The following MTX3 variants were observed in gnomAD, a reference collection of about 807,000 sequenced individuals.
MTX3 encodes metaxin 3.
A neutral mutation model predicts 42.5 loss-of-function variants in MTX3; 27 were observed. The observed-to-expected ratio is 0.64, with a 90% CI of 0.47 to 0.88. MTX3 has a LOEUF of 0.88. MTX3 is among the 40% of genes least tolerant of loss of function. MTX3 has a pLI of 0.00. For missense variants in MTX3, 378 were observed against 367.0 expected (o/e 1.03, Z -0.25); for synonymous variants, 144 against 132.9 (o/e 1.08, Z -0.57).
intron 8 of MTX3, among the ~76,000 whole-genome samples, chr5:79,985,254 T>A (rs1415206779): frequency 6.6e-6 from 1 of 152,110 alleles, no homozygotes; most frequent in Non-Finnish European, 1.5e-5. Flanking sequence ...GAGCTGGGAT[T>A]ACAGGAGTGA....
rs975531986 is a variant in MTX3 at position 79,978,096 on chromosome 5, C to G, written c.*5588G>C. ...ACAAATGCCTAAATAACCAACATAT[C>G]TATGCCGACAGCCATCCCTCTCTCA... On this transcript the variant is annotated 3_prime_UTR_variant, in exon 9 of 9. Transcript: ENST00000512528. 1 of 152,218 alleles carries G rather than the reference C, an allele frequency of 6.6e-6. No individual in the cohort carries two copies. Among genetic ancestry groups the G allele is most frequent in the Non-Finnish European group, 1.5e-5 (1 of 68,068 alleles). The allele number at this position is 152,218 out of a possible 1,614,324, so 9.4% of individuals were successfully genotyped here. A position where few individuals can be genotyped will look rare whatever the true frequency, so the allele number is the denominator to read the frequency against.
rs1480726369 is a variant in MTX3, at chr5:79,978,614, A to G, written c.*5070T>C. The G allele has an allele frequency of 6.6e-6, 1 of 152,160 alleles. No homozygotes were observed. 9.4% of individuals were successfully genotyped at this position (152,160 alleles called of 1,614,324 possible). ...TCAAGAAAACAAAAACAAGAAATCC[A>G]TATTAAAATAAATTAGGGAAATGAT... On this transcript the variant is annotated 3_prime_UTR_variant, in exon 9 of 9. Transcript: ENST00000512528.
rs767110313 is a variant in MTX3, at chr5:79,983,691, G to A, written c.932C>T (p.Ser311Leu). 2.5e-6 allele frequency: 4 copies of A among 1,612,242 alleles called. No individual in the cohort carries two copies. The highest frequency in any genetic ancestry group is 2.5e-6 in the Non-Finnish European group (3 of 1,178,260). ...EEENNSFQRL[S>L]P ...CACAAACCATGACTACTCTCAGGGC[G>A]AAAGCCGTTGGAAGGAATTATTTTC... The change falls in exon 9 of 9, where the codon TCG (serine) becomes TTG (leucine). Residue 311 changes from serine to leucine, a missense_variant. Coordinates refer to ENST00000512528, the MANE Select transcript of MTX3 (RefSeq NM_001363818.2).
chr5:79,990,637 G>C lies in MTX3; in HGVS notation c.108C>G (p.Pro36=), dbSNP rs750206758. Residue 36 remains proline (P), a synonymous_variant, in exon 2 of 9, where the codon CCC becomes CCG. Coordinates refer to ENST00000512528, the MANE Select transcript of MTX3 (RefSeq NM_001363818.2). ...VMAYAKFSGA[P]LKVNVIDNTW... ...TGTTATCTATCACATTGACTTTCAA[G>C]GGTGCACCAGAAAATTTGGCATAAG... 1.2e-6 allele frequency: 2 copies of C among 1,613,338 alleles called. No homozygotes were observed. Among genetic ancestry groups the C allele is most frequent in the South Asian group, 2.2e-5 (2 of 90,938 alleles).
Position 79,977,226 on chromosome 5 carries a change from C to A in MTX3, c.*6458G>T, listed in dbSNP as rs1236220875. 1 of 152,102 alleles carries A rather than the reference C, an allele frequency of 6.6e-6. No individual in the cohort carries two copies. The highest frequency in any genetic ancestry group is 2.1e-4 in the South Asian group (1 of 4,828). The allele number at this position is 152,102 out of a possible 1,614,324, so 9.4% of individuals were successfully genotyped here. ...TGCATTTAACTTAAAAGCTTGAATA[C>A]ACGACTCCTCCTAGAGAGAAGGAAG... On this transcript the variant is annotated 3_prime_UTR_variant, in exon 9 of 9. Coordinates refer to ENST00000512528, the MANE Select transcript of MTX3 (RefSeq NM_001363818.2).
intron 7 of MTX3, among the ~76,000 whole-genome samples, chr5:79,986,036 A>G (rs1354005089): frequency 6.6e-6 from 1 of 151,624 alleles, no homozygotes; most frequent in Non-Finnish European, 1.5e-5. Flanking sequence ...AACTATCTGG[A>G]TAGTTTTCTA....
rs538674851 is a variant in MTX3, at chr5:79,987,852, G to A, written c.581+387C>T. On this transcript the variant is annotated intron_variant, in intron 6 of 8. Coordinates refer to ENST00000512528, the MANE Select transcript of MTX3 (RefSeq NM_001363818.2). ...TTTTTTGACATGGAGTTTCACTCTT[G>A]TCACCCAGGCTGGAGTGCAGTGGCG... is the stretch of plus-strand genomic sequence containing the variant. Among the ~76,000 whole-genome samples the A allele has an allele frequency of 2.6e-3, 392 of 152,198 alleles. 2 individuals are homozygous for A. The highest frequency in any genetic ancestry group is 6.8e-3 in the Middle Eastern group (2 of 294).
At position 79,982,027 on chromosome 5, in the gene MTX3, A is replaced by G. The variant is rs1188766475; in HGVS notation, c.*1657T>C. ...TAGAGGACAATAAAGTCTCACAGTCATGATTTCCAATATAACATATTTAGG... is the reference window on the plus strand; with the variant it reads ...TAGAGGACAATAAAGTCTCACAGTCGTGATTTCCAATATAACATATTTAGG... On this transcript the variant is annotated 3_prime_UTR_variant, in exon 9 of 9. Transcript: ENST00000512528. 1 of 164,206 alleles carries G rather than the reference A, an allele frequency of 6.1e-6. No homozygotes were observed. The highest frequency in any genetic ancestry group is 1.3e-5 in the Non-Finnish European group (1 of 75,450). The allele number at this position is 164,206 out of a possible 1,614,324, so 10.2% of individuals were successfully genotyped here. A position where few individuals can be genotyped will look rare whatever the true frequency, so the allele number is the denominator to read the frequency against.
chr5:79,980,607 T>C lies in MTX3; in HGVS notation c.*3077A>G, dbSNP rs1201437232. 4 of 151,954 alleles carry C rather than the reference T, an allele frequency of 2.6e-5. No individual in the cohort carries two copies. Among genetic ancestry groups the C allele is most frequent in the African/African-American group, 9.7e-5 (4 of 41,382 alleles). 9.4% of individuals were successfully genotyped at this position (151,954 alleles called of 1,614,324 possible). ...CAATCTGATGGATGATTGATGGTAGTTTGTTCATGGAAGATCTTCATCTTA... is the reference window on the plus strand; with the variant it reads ...CAATCTGATGGATGATTGATGGTAGCTTGTTCATGGAAGATCTTCATCTTA... On this transcript the variant is annotated 3_prime_UTR_variant, in exon 9 of 9. Transcript: ENST00000512528.
rs1231411942 is a variant in MTX3 at position 79,983,529 on chromosome 5, T to C, written c.*155A>G. The C allele has an allele frequency of 1.7e-5, 11 of 631,672 alleles. No homozygotes were observed. The highest frequency in any genetic ancestry group is 3.7e-5 in the African/African-American group (2 of 54,094). 39.1% of individuals were successfully genotyped at this position (631,672 alleles called of 1,614,324 possible). On this transcript the variant is annotated 3_prime_UTR_variant, in exon 9 of 9. Transcript: ENST00000512528. ...GTGCCAAGCTAGAATACAAGCTTCC[T>C]AATAATAATAGTAAAAATAGATGGC...
At position 79,985,608 on chromosome 5, in the gene MTX3, G is replaced by T. The variant is rs1831471625; in HGVS notation, c.791C>A (p.Thr264Lys). ...GTTGGATTCCTTATTTACAAGTTGT[G>T]TGAGTTTCTGCAGATTTGCATCTAC... ...ETVDANLQKL[T>K]QLVNKESNLI... The change falls in exon 8 of 9, where the codon ACA (threonine) becomes AAA (lysine). Residue 264 changes from threonine (T) to lysine (K), a missense_variant. Thr to Lys is a moderately conservative substitution (Grantham distance 78). Coordinates refer to ENST00000512528, the MANE Select transcript of MTX3 (RefSeq NM_001363818.2). 7 of 1,613,178 alleles carry T rather than the reference G, an allele frequency of 4.3e-6. No individual in the cohort carries two copies. Among genetic ancestry groups the T allele is most frequent in the Non-Finnish European group, 5.9e-6 (7 of 1,179,272 alleles).
intron 6 of MTX3, among the ~76,000 whole-genome samples, chr5:79,987,877 G>A (rs999724276): frequency 2.0e-5 from 3 of 152,060 alleles, no homozygotes; most frequent in Non-Finnish European, 4.4e-5. Flanking sequence ...GTGCAGTGGC[G>A]TGATCTCAGC....
Position 79,990,678 on chromosome 5 carries a change from GCAAT to G in MTX3, c.82-19_82-16del. ...TTGGCATAAGCCTGAAACAGAGTTTGCAATCAAACATTTTAGACCAAGTGCGTAA... is the reference window on the plus strand; with the variant it reads ...TTGGCATAAGCCTGAAACAGAGTTTGCAAACATTTTAGACCAAGTGCGTAA... On this transcript the variant is annotated splice_polypyrimidine_tract_variant and intron_variant, in intron 1 of 8. Coordinates refer to ENST00000512528, the MANE Select transcript of MTX3 (RefSeq NM_001363818.2). 2 of 1,605,340 alleles carry G rather than the reference GCAAT, an allele frequency of 1.2e-6. No individual in the cohort carries two copies. The highest frequency in any genetic ancestry group is 1.7e-6 in the Non-Finnish European group (2 of 1,172,776).
At chr5:79,991,099 G>C in intron 1 of MTX3, 59 bp downstream of exon 1, 5 of 1,478,736 alleles carry the variant, frequency 3.4e-6, no homozygotes, top group Non-Finnish European at 4.6e-6. Context: ...GGGCAAGTCA[G>C]CCTGGCGCCT....
chr5:79,988,050 C>T (rs1216849174), intron 6 of MTX3, among the ~76,000 whole-genome samples, 189 bp downstream of exon 6: 1 of 152,146 alleles, frequency 6.6e-6, no homozygotes, highest in African/African-American at 2.4e-5. Context: ...CTTCTGGCCT[C>T]GGGTGATCTG....
rs11741143 is a variant in MTX3 at position 79,982,773 on chromosome 5, T to A, written c.*911A>T. ...AGAATATGAGCCAAGCATAGAAAAC[T>A]TGGACCAGATGCACAGTATTTCTAC... On this transcript the variant is annotated 3_prime_UTR_variant, in exon 9 of 9. Coordinates refer to ENST00000512528, the MANE Select transcript of MTX3 (RefSeq NM_001363818.2). 5.1e-6 allele frequency: 1 copy of A among 194,470 alleles called. No homozygotes were observed. The highest frequency in any genetic ancestry group is 1.1e-5 in the Non-Finnish European group (1 of 93,844). The allele number at this position is 194,470 out of a possible 1,614,324, so 12.0% of individuals were successfully genotyped here.
At position 79,982,363 on chromosome 5, in the gene MTX3, A is replaced by G. The variant is rs1831391698; in HGVS notation, c.*1321T>C. ...CTGAGCTCCACTCAGCTCAAATTAG[A>G]TGAGTCTTTTGACTACAAAGCTCAT... On this transcript the variant is annotated 3_prime_UTR_variant, in exon 9 of 9. Coordinates refer to ENST00000512528, the MANE Select transcript of MTX3 (RefSeq NM_001363818.2). 1 of 456,312 alleles carries G rather than the reference A, an allele frequency of 2.2e-6. No individual in the cohort carries two copies. The highest frequency in any genetic ancestry group is 2.0e-5 in the African/African-American group (1 of 50,060). 28.3% of individuals were successfully genotyped at this position (456,312 alleles called of 1,614,324 possible). A position where few individuals can be genotyped will look rare whatever the true frequency, so the allele number is the denominator to read the frequency against.
intron 4 of MTX3, 60 bp downstream of exon 4, chr5:79,989,092 A>T: frequency 8.4e-7 from 1 of 1,193,428 alleles, no homozygotes; most frequent in Non-Finnish European, 1.2e-6. Context: ...TTTTTTCTAA[A>T]CAGACTATGT....
At chr5:79,987,219 T>C in intron 6 of MTX3, 112 bp from the exon 7 acceptor site, 1 of 826,160 alleles carries the variant, frequency 1.2e-6, no homozygotes, top group Non-Finnish European at 1.9e-6. Context: ...CGGGGGCAGA[T>C]CACTTGAGGT....
Sources: gnomAD v4.1 joint callset for allele counts (sites outside exome capture counted in the v4.1 genomes callset) on GRCh38, gnomAD v4.1.1 for gene constraint, MANE v1.5 for transcripts, NCBI Gene and HGNC (gene_info 2026-07-23, HGNC 2026-07-21) for gene names.